DPP10: variants seen among roughly 807,000 people sequenced by gnomAD.
The protein encoded by DPP10 is dipeptidyl peptidase like 10.
In DPP10, 33 loss-of-function variants were observed where a neutral mutation model predicts 120.9. The ratio of observed to expected loss-of-function variants is 0.27; its 90% CI spans 0.21 to 0.37. The LOEUF is 0.37. DPP10 is among the 10% of genes least tolerant of loss of function. The pLI is 1.00. For synonymous variants in DPP10, 337 were observed against 326.1 expected (o/e 1.03, Z -0.36); for missense variants, 816 against 942.8 (o/e 0.87, Z 1.76).
At chr2:115,536,522 T>C (rs2078852591) in intron 5 of DPP10, among the ~76,000 whole-genome samples, 1 of 152,010 alleles carries the variant, frequency 6.6e-6, no homozygotes, top group Admixed American at 6.6e-5. Context: ...AGACTGAAAT[T>C]ATGGGATTAT....
chr2:114,682,653 A>G (rs1699101712), intron 1 of DPP10, among the ~76,000 whole-genome samples: 1 of 151,600 alleles, frequency 6.6e-6, no homozygotes, highest in African/African-American at 2.4e-5. Context: ...CCCCACTTTC[A>G]AAGTGAAAGC....
chr2:114,532,281 A>ATATATATG (rs1686067630), intron 1 of DPP10, among the ~76,000 whole-genome samples: 1 of 57,724 alleles, frequency 1.7e-5, no homozygotes, highest in Non-Finnish European at 3.6e-5. Flanking sequence ...ATATATATAT[A>ATATATATG]TATATATATA....
At chr2:115,829,912 C>T (rs776407260) in intron 21 of DPP10, among the ~76,000 whole-genome samples, 1 of 152,070 alleles carries the variant, frequency 6.6e-6, no homozygotes, top group Non-Finnish European at 1.5e-5. Context: ...TGATTGAAGA[C>T]ATTAAGCAAC....
rs150790450 is a variant in DPP10 at position 115,420,342 on chromosome 2, A to G, written c.271+76430A>G. Among the ~76,000 whole-genome samples the G allele has an allele frequency of 4.2e-3, 637 of 152,286 alleles. 5 individuals are homozygous for G. Among genetic ancestry groups the G allele is most frequent in the South Asian group, 0.031 (148 of 4,820 alleles). On this transcript the variant is annotated intron_variant, in intron 3 of 25. Transcript: ENST00000410059. ...CCTTAATGTGTGTCTTACTACTGGT[A>G]TAAACAAGCATGCTTGCAGGAAGGA...
rs1301332990 is a variant in DPP10 at position 114,814,758 on chromosome 2, A to C, written c.60+371920A>C. Among the ~76,000 whole-genome samples, 5 of 152,176 alleles carry C rather than the reference A, an allele frequency of 3.3e-5. No individual in the cohort carries two copies. In the East Asian group the frequency reaches 9.6e-4, roughly 29 times the overall value. On this transcript the variant is annotated intron_variant, in intron 1 of 25. Coordinates refer to ENST00000410059, the MANE Select transcript of DPP10 (RefSeq NM_020868.6). ...CAAGAACAGGGAATTTCTCCTGTCAAAGCCTTCTTTATTGTTTCTTCTTCA... is the reference window on the plus strand; with the variant it reads ...CAAGAACAGGGAATTTCTCCTGTCACAGCCTTCTTTATTGTTTCTTCTTCA...
Position 115,011,025 on chromosome 2 carries a change from C to T in DPP10, c.61-298214C>T, listed in dbSNP as rs183821438. Among the ~76,000 whole-genome samples, 28 of 152,274 alleles carry T rather than the reference C, an allele frequency of 1.8e-4. 1 individual carries two copies. Among genetic ancestry groups the T allele is most frequent in the Admixed American group, 5.9e-4 (9 of 15,296 alleles). ...AACATGCTTTAAAAAACTTCTCTTT[C>T]GATTTTGTTTGATCCATGGTTATTT... On this transcript the variant is annotated intron_variant, in intron 1 of 25. Transcript: ENST00000410059.
chr2:114,672,902 G>T (rs1229339790), intron 1 of DPP10, among the ~76,000 whole-genome samples: 1 of 152,016 alleles, frequency 6.6e-6, no homozygotes, highest in Admixed American at 6.6e-5. Context: ...TTTAATTCTG[G>T]TTCTGGGATA....
chr2:115,197,203 C>G (rs1328040715), intron 1 of DPP10, among the ~76,000 whole-genome samples: 1 of 151,922 alleles, frequency 6.6e-6, no homozygotes, highest in Non-Finnish European at 1.5e-5. Flanking sequence ...ACCAGCCTGG[C>G]CAATATGGTG....
chr2:114,451,250 T>G (rs1678258483), intron 1 of DPP10, among the ~76,000 whole-genome samples: 1 of 152,124 alleles, frequency 6.6e-6, no homozygotes. Flanking sequence ...GAACAGTTGT[T>G]GGATGACCAG....
Position 115,032,999 on chromosome 2 carries a change from C to T in DPP10, c.61-276240C>T, listed in dbSNP as rs148377216. On this transcript the variant is annotated intron_variant, in intron 1 of 25. Coordinates refer to ENST00000410059, the MANE Select transcript of DPP10 (RefSeq NM_020868.6). ...GTTTTAATCATAAGAATTAGTGATC[C>T]TACTCCTTTCCACAGTGACTCCTTG... 2.6e-3 allele frequency among the ~76,000 whole-genome samples: 389 copies of T among 152,046 alleles called. 1 individual carries two copies. The highest frequency in any genetic ancestry group is 8.8e-3 in the African/African-American group (366 of 41,494).
chr2:115,723,873 C>T (rs1050933993), intron 7 of DPP10, among the ~76,000 whole-genome samples: 9 of 152,258 alleles, frequency 5.9e-5, no homozygotes, highest in Admixed American at 5.9e-4. Flanking sequence ...ACTATCCCAA[C>T]TCCAGTGTAA....
intron 24 of DPP10, among the ~76,000 whole-genome samples, chr2:115,840,322 T>G (rs1356172857): frequency 9.1e-6 from 1 of 109,590 alleles, no homozygotes; most frequent in African/African-American, 3.7e-5. Context: ...TTTTTTGGTT[T>G]TTTTTTTTTT....
At chr2:115,282,046 A>C (rs990653197) in intron 1 of DPP10, among the ~76,000 whole-genome samples, 3 of 152,102 alleles carry the variant, frequency 2.0e-5, no homozygotes, top group Admixed American at 2.0e-4. Flanking sequence ...GAAGTGGTTT[A>C]CTTGAGAAAA....
chr2:115,117,117 C>G (rs1314173772), intron 1 of DPP10, among the ~76,000 whole-genome samples: 2 of 152,200 alleles, frequency 1.3e-5, no homozygotes, highest in African/African-American at 4.8e-5. Flanking sequence ...TTTCTACACT[C>G]TTCCTGTTGT....
chr2:115,360,213 C>T lies in DPP10; in HGVS notation c.271+16301C>T, dbSNP rs556982348. On this transcript the variant is annotated intron_variant, in intron 3 of 25. Transcript: ENST00000410059. Reference sequence around the variant, plus strand: ...ATTGCCAAAGTCCTTGCACTGATTCCTTCTTATCTGAGACGGTTAGTGTTA... The same window carrying T: ...ATTGCCAAAGTCCTTGCACTGATTCTTTCTTATCTGAGACGGTTAGTGTTA... 1.7e-4 allele frequency among the ~76,000 whole-genome samples: 26 copies of T among 152,314 alleles called. No homozygotes were observed. The East Asian group carries it at 4.8e-3, about 28-fold the overall frequency.
At position 114,442,757 on chromosome 2, in the gene DPP10, G is replaced by T; in HGVS notation, c.-22G>T. The T allele has an allele frequency of 6.2e-7, 1 of 1,612,922 alleles. No homozygotes were observed. Among genetic ancestry groups the T allele is most frequent in the Non-Finnish European group, 8.5e-7 (1 of 1,179,268 alleles). Reference sequence around the variant, plus strand: ...ATTCTGGAACTCCGCCTGGGATTGTGCACTGTCCAGGGTCCTGAAACATGA... The same window carrying T: ...ATTCTGGAACTCCGCCTGGGATTGTTCACTGTCCAGGGTCCTGAAACATGA... On this transcript the variant is annotated 5_prime_UTR_variant, in exon 1 of 26. Coordinates refer to ENST00000410059, the MANE Select transcript of DPP10 (RefSeq NM_020868.6).
intron 2 of DPP10, among the ~76,000 whole-genome samples, chr2:115,341,098 C>T (rs959365630): frequency 1.3e-5 from 2 of 152,072 alleles, no homozygotes; most frequent in Non-Finnish European, 2.9e-5. Context: ...ATTAAAATCC[C>T]ATACTTTTAT....
In DPP10 at chr2:114,707,708, C is replaced by T. The variant is rs563496471; in HGVS notation, c.60+264870C>T. The stretch of plus-strand genomic sequence containing the variant: ...CAAGGTAGGTCAGAAATTAGGTGCC[C>T]AGCTTAATTTCTGTTCTGCTTAGCT... On this transcript the variant is annotated intron_variant, in intron 1 of 25. Transcript: ENST00000410059. Among the ~76,000 whole-genome samples, 6 of 152,204 alleles carry T rather than the reference C, an allele frequency of 3.9e-5. No homozygotes were observed. The East Asian group carries it at 1.2e-3, about 29-fold the overall frequency.
intron 3 of DPP10, among the ~76,000 whole-genome samples, chr2:115,409,284 TAGTG>T (rs772054724): frequency 7.2e-5 from 11 of 151,978 alleles, no homozygotes; most frequent in Non-Finnish European, 1.2e-4. Flanking sequence ...AAACAGAAAA[TAGTG>T]AGATCTATAT....
Sources: allele counts gnomAD v4.1 joint callset (sites outside exome capture counted in the v4.1 genomes callset), GRCh38; gene constraint gnomAD v4.1.1; transcripts MANE v1.5; gene names NCBI Gene and HGNC (gene_info 2026-07-23, HGNC 2026-07-21).